The following ACO1 variants were observed in gnomAD, a reference collection of about 807,000 sequenced individuals.
ACO1 encodes cytoplasmic aconitate hydratase.
Under a neutral mutation model 105.1 loss-of-function variants are expected in ACO1, and 78 were observed. That is an observed-to-expected ratio of 0.74 (90% CI 0.62 to 0.90). The LOEUF (loss-of-function observed/expected upper bound fraction) is 0.90. Ranked by LOEUF, ACO1 falls within the 40% of genes least tolerant of loss-of-function variation. ACO1 has a pLI of 0.00. For missense variants in ACO1, 965 were observed against 1,111.1 expected, an observed-to-expected ratio of 0.87 and a Z score of 1.87; for synonymous variants, 364 against 397.4, an observed-to-expected ratio of 0.92 and a Z score of 1.00.
intron 4 of ACO1, among the ~76,000 whole-genome samples, chr9:32,415,579 G>A (rs1481937558): frequency 3.3e-5 from 5 of 152,224 alleles, no homozygotes; most frequent in Non-Finnish European, 4.4e-5. Flanking sequence ...GAACTGGAGT[G>A]ATGGAGCCCT....
chr9:32,424,731 A>AGGCT, intron 10 of ACO1, 66 bp downstream of exon 10: 1 of 1,086,414 alleles, frequency 9.2e-7, no homozygotes, highest in African/African-American at 1.6e-5. Flanking sequence ...CTCAGCGTCC[A>AGGCT]GGCTTTCATC....
At chr9:32,392,983 A>C (rs1009932864) in intron 1 of ACO1, among the ~76,000 whole-genome samples, 4 of 152,138 alleles carry the variant, frequency 2.6e-5, no homozygotes, top group Non-Finnish European at 5.9e-5. Flanking sequence ...CATCATCTTC[A>C]TAAGCTGAGG....
intron 18 of ACO1, 108 bp downstream of exon 18, chr9:32,436,505 C>A: frequency 7.8e-7 from 1 of 1,286,226 alleles, no homozygotes; most frequent in Non-Finnish European, 1.1e-6. Flanking sequence ...TTCACAGCTC[C>A]ATCCTACCCT....
rs1821666223 is a variant in ACO1, at chr9:32,408,583, G to A, written c.336G>A (p.Glu112=). The A allele has an allele frequency of 9.3e-6, 15 of 1,614,030 alleles. No individual in the cohort carries two copies. Among genetic ancestry groups the A allele is most frequent in the Non-Finnish European group, 1.1e-5 (13 of 1,180,022 alleles). The change falls in exon 4 of 21, where the codon GAG becomes GAA. Residue 112 remains glutamate (E), a synonymous_variant. Coordinates refer to ENST00000309951, the MANE Select transcript of ACO1 (RefSeq NM_002197.3). ...DAVKKLGGDP[E]KINPVCPADL... is the part of the protein sequence containing the mutation. Reference sequence around the variant, plus strand: ...TGAAAAAGTTAGGAGGAGATCCAGAGAAAATAAACCCTGTCTGCCCTGCTG... The same window carrying A: ...TGAAAAAGTTAGGAGGAGATCCAGAAAAAATAAACCCTGTCTGCCCTGCTG...
chr9:32,409,990 G>A (rs564218143), intron 4 of ACO1, among the ~76,000 whole-genome samples: 13 of 152,150 alleles, frequency 8.5e-5, no homozygotes, highest in Non-Finnish European at 1.5e-4. Context: ...CTAGCCCATT[G>A]AAGAGATGAC....
intron 15 of ACO1, among the ~76,000 whole-genome samples, chr9:32,432,303 G>A (rs77321099): frequency 0.028 from 4,296 of 152,254 alleles, 96 homozygotes; most frequent in Non-Finnish European, 0.039. Context: ...AAAACTTTCC[G>A]TGCATTTTAC....
At chr9:32,427,249 G>T in intron 11 of ACO1, 52 bp from the exon 12 acceptor site, 2 of 1,605,844 alleles carry the variant, frequency 1.2e-6, no homozygotes. Flanking sequence ...AGTGTGCCTG[G>T]CACCTAGAGC....
intron 18 of ACO1, among the ~76,000 whole-genome samples, chr9:32,436,916 T>C (rs111404223): frequency 1.2e-4 from 18 of 152,154 alleles, no homozygotes; most frequent in African/African-American, 4.3e-4. Context: ...GCCTTGCTTT[T>C]CTCACCTGTG....
intron 1 of ACO1, among the ~76,000 whole-genome samples, chr9:32,389,158 T>G (rs1821213748): frequency 6.6e-6 from 1 of 152,194 alleles, no homozygotes; most frequent in African/African-American, 2.4e-5. Context: ...AAAAAAAGCA[T>G]GTTACACAGC....
chr9:32,436,360 A>C lies in ACO1; in HGVS notation c.2210A>C (p.Gln737Pro). The C allele has an allele frequency of 6.2e-7, 1 of 1,614,214 alleles. No individual in the cohort carries two copies. Residue 737 changes from glutamine to proline, a missense_variant, in exon 18 of 21, where the codon CAG (glutamine) becomes CCG (proline). Gln to Pro is a moderately conservative substitution (Grantham distance 76). Coordinates refer to ENST00000309951, the MANE Select transcript of ACO1 (RefSeq NM_002197.3). ...TTGTTAAACAGATTTTTGAACAAGC[A>C]GGCACCACAGACTATCCATCTGCCT... ...IRLLNRFLNK[Q>P]APQTIHLPSG...
intron 15 of ACO1, 94 bp downstream of exon 15, chr9:32,431,937 A>G (rs1277923110): frequency 8.0e-6 from 11 of 1,383,234 alleles, no homozygotes; most frequent in Admixed American, 2.4e-5. Context: ...TAACGGAAGT[A>G]TAAACTATAT....
chr9:32,407,367 C>T lies in ACO1; in HGVS notation c.204C>T (p.Val68=). The T allele has an allele frequency of 6.2e-7, 1 of 1,614,126 alleles. No individual in the cohort carries two copies. The change falls in exon 3 of 21, where the codon GTC becomes GTT. Residue 68 remains valine (V), a synonymous_variant. Transcript: ENST00000309951. ...QDIENILHWN[V]TQHKNIEVPF... ...TTGAAAATATTCTACATTGGAATGTCACGCAGCACAAGAACATAGAAGTGC... is the reference window on the plus strand; with the variant it reads ...TTGAAAATATTCTACATTGGAATGTTACGCAGCACAAGAACATAGAAGTGC...
At chr9:32,437,419 A>AATAATCATTG (rs11282433) in intron 18 of ACO1, among the ~76,000 whole-genome samples, 10,342 of 152,236 alleles carry the variant, frequency 0.068, 1,100 homozygotes, top group African/African-American at 0.23. Flanking sequence ...GTTCTTTAGA[A>AATAATCATTG]ATAACCAGTA....
chr9:32,394,069 T>C (rs1821320933), intron 1 of ACO1, among the ~76,000 whole-genome samples: 1 of 152,210 alleles, frequency 6.6e-6, no homozygotes, highest in Non-Finnish European at 1.5e-5. Context: ...CCTTGTTTCT[T>C]AGCTCTCCCC....
intron 18 of ACO1, among the ~76,000 whole-genome samples, chr9:32,437,833 T>TTA (rs1215678926): frequency 6.6e-6 from 1 of 151,894 alleles, no homozygotes; most frequent in Admixed American, 6.6e-5. Flanking sequence ...AAGGAGAAGG[T>TTA]GATTAGTTGA....
chr9:32,424,031 C>G (rs985650084), intron 9 of ACO1, among the ~76,000 whole-genome samples: 3 of 152,172 alleles, frequency 2.0e-5, no homozygotes, highest in Non-Finnish European at 4.4e-5. Flanking sequence ...CCACGTTTTT[C>G]TAGACAACAA....
intron 11 of ACO1, 137 bp downstream of exon 11, chr9:32,426,134 G>T: frequency 2.3e-6 from 2 of 852,016 alleles, no homozygotes; most frequent in Non-Finnish European, 1.8e-6. Flanking sequence ...ATATTTATTG[G>T]CCCATAAATA....
intron 1 of ACO1, among the ~76,000 whole-genome samples, chr9:32,399,966 GTTTTT>G (rs57615512): frequency 0.011 from 776 of 69,830 alleles, 4 homozygotes; most frequent in African/African-American, 0.045. Context: ...TTCTTTTTCT[GTTTTT>G]TTTTTTTTTT....
At chr9:32,426,512 T>G (rs931480414) in intron 11 of ACO1, among the ~76,000 whole-genome samples, 1 of 152,154 alleles carries the variant, frequency 6.6e-6, no homozygotes, top group Non-Finnish European at 1.5e-5. Context: ...AGTTTCCAAG[T>G]TTTTAGTCAT....
Sources: allele counts gnomAD v4.1 joint callset (sites outside exome capture counted in the v4.1 genomes callset), GRCh38; gene constraint gnomAD v4.1.1; transcripts MANE v1.5; gene names NCBI Gene and HGNC (gene_info 2026-07-23, HGNC 2026-07-21).